GNB1L: variants seen among roughly 807,000 people sequenced by gnomAD.
The protein encoded by GNB1L is G protein subunit beta 1 like, also known as guanine nucleotide-binding protein subunit beta-like protein 1.
Under a neutral mutation model 29.1 loss-of-function variants are expected in GNB1L, and 20 were observed. That is an observed-to-expected ratio of 0.69 (90% CI 0.48 to 1.00). The LOEUF (loss-of-function observed/expected upper bound fraction) is 1.00. GNB1L is among the 50% of genes least tolerant of loss of function. GNB1L has a pLI of 0.00. For synonymous variants in GNB1L, 193 were observed against 206.5 expected, an observed-to-expected ratio of 0.93 and a Z score of 0.56; for missense variants, 421 against 464.9, an observed-to-expected ratio of 0.91 and a Z score of 0.87.
rs148297548 is a variant in GNB1L, at chr22:19,816,414, C to T, written c.255-3967G>A. On this transcript the variant is annotated intron_variant, in intron 4 of 7. Coordinates refer to ENST00000329517, the MANE Select transcript of GNB1L (RefSeq NM_053004.3). The surrounding 1 kb of genome is among the most constrained non-coding windows in gnomAD (Gnocchi z 4.4). Reference sequence around the variant, plus strand: ...TGCAGGCTGGCTCAGAATCCTCTGACGTGGCCATCTGCGAGATGTCCAGAC... The same window carrying T: ...TGCAGGCTGGCTCAGAATCCTCTGATGTGGCCATCTGCGAGATGTCCAGAC... Among the ~76,000 whole-genome samples, 1 of 152,174 alleles carries T rather than the reference C, an allele frequency of 6.6e-6. No individual in the cohort carries two copies. Among genetic ancestry groups the T allele is most frequent in the Non-Finnish European group, 1.5e-5 (1 of 68,022 alleles).
chr22:19,844,879 A>G (rs1267240732), intron 2 of GNB1L, among the ~76,000 whole-genome samples: 1 of 152,234 alleles, frequency 6.6e-6, no homozygotes, highest in Non-Finnish European at 1.5e-5. Flanking sequence ...GCACCAGTTC[A>G]GCCTCTGCTC....
At chr22:19,791,524 T>A (rs911558412) in intron 7 of GNB1L, among the ~76,000 whole-genome samples, 1 of 152,292 alleles carries the variant, frequency 6.6e-6, no homozygotes. Flanking sequence ...AGTGGTCACA[T>A]TAAGCTGAGG....
At chr22:19,851,515 TAC>T in intron 2 of GNB1L, 1 of 1,614,088 alleles carries the variant, frequency 6.2e-7, no homozygotes, top group South Asian at 1.1e-5. Flanking sequence ...CACTTCTAGA[TAC>T]AGAGTTGGAC....
intron 7 of GNB1L, among the ~76,000 whole-genome samples, chr22:19,800,663 G>A (rs924406917): frequency 4.6e-5 from 7 of 152,346 alleles, no homozygotes; most frequent in Admixed American, 6.5e-5. Flanking sequence ...GAGAAGCTCT[G>A]CCGCTTACAT....
chr22:19,845,626 C>T (rs940617213), intron 2 of GNB1L, among the ~76,000 whole-genome samples: 1 of 152,232 alleles, frequency 6.6e-6, no homozygotes, highest in African/African-American at 2.4e-5. Context: ...GAACACCCCA[C>T]AGGCCTGGGC....
rs1473092517 is a variant in GNB1L, at chr22:19,784,223, T to C, written c.*4486A>G. The C allele has an allele frequency of 6.6e-6, 1 of 152,246 alleles. No individual in the cohort carries two copies. Among genetic ancestry groups the C allele is most frequent in the Non-Finnish European group, 1.5e-5 (1 of 68,058 alleles). The allele number at this position is 152,246 out of a possible 1,614,324, so 9.4% of individuals were successfully genotyped here. On this transcript the variant is annotated 3_prime_UTR_variant, in exon 8 of 8. Coordinates refer to ENST00000329517, the MANE Select transcript of GNB1L (RefSeq NM_053004.3). ...TGTGCAGAGGGTGTTCTGTGGCTTC[T>C]TGGCAGAGACACAGGTGGGAAACAC...
intron 2 of GNB1L, among the ~76,000 whole-genome samples, chr22:19,838,110 A>G (rs1937796720): frequency 1.3e-5 from 2 of 152,270 alleles, no homozygotes; most frequent in South Asian, 4.1e-4. Flanking sequence ...AGTTTATTGC[A>G]TACGCAATTT....
chr22:19,813,137 G>C (rs1937513086), intron 4 of GNB1L, among the ~76,000 whole-genome samples: 3 of 152,198 alleles, frequency 2.0e-5, no homozygotes, highest in Admixed American at 1.3e-4. Context: ...GAGTGTTTGG[G>C]CAGATGCACA....
At chr22:19,851,968 C>T in intron 2 of GNB1L, 1 of 1,614,138 alleles carries the variant, frequency 6.2e-7, no homozygotes, top group South Asian at 1.1e-5. Context: ...AGCCTGGTAC[C>T]CAGCAGAAGT....
At chr22:19,831,938 C>T (rs1371616472) in intron 2 of GNB1L, among the ~76,000 whole-genome samples, 1 of 152,120 alleles carries the variant, frequency 6.6e-6, no homozygotes, top group African/African-American at 2.4e-5. Flanking sequence ...TAAATTAAAA[C>T]TACAGAAAAG....
rs1268672134 is a variant in GNB1L at position 19,783,244 on chromosome 22, A to G, written c.*5465T>C. The G allele has an allele frequency of 3.6e-6, 2 of 558,576 alleles. No homozygotes were observed. Among genetic ancestry groups the G allele is most frequent in the African/African-American group, 3.8e-5 (2 of 53,024 alleles). 34.6% of individuals were successfully genotyped at this position (558,576 alleles called of 1,614,324 possible). On this transcript the variant is annotated 3_prime_UTR_variant, in exon 8 of 8. Transcript: ENST00000329517. ...CTGCTCTGTTTGAGGTGGTTTATTA[A>G]TGTAGCAAGAGATAATGGCACCAGG...
intron 2 of GNB1L, among the ~76,000 whole-genome samples, chr22:19,829,808 C>T (rs770773177): frequency 2.4e-4 from 37 of 151,906 alleles, no homozygotes; most frequent in Non-Finnish European, 2.4e-4. Flanking sequence ...TATTAAAATA[C>T]GTAAACAAAC....
chr22:19,847,562 G>A, intron 2 of GNB1L: 1 of 985,254 alleles, frequency 1.0e-6, no homozygotes. Context: ...TGCGGGGAGG[G>A]GAGGAGGCAA....
intron 2 of GNB1L, chr22:19,847,454 C>A: frequency 1.0e-6 from 1 of 985,450 alleles, no homozygotes; most frequent in Non-Finnish European, 1.2e-6. Context: ...CCAGCCAAGG[C>A]ACTGCATGGG....
At chr22:19,818,137 C>T (rs1321546445) in intron 4 of GNB1L, among the ~76,000 whole-genome samples, 1 of 152,242 alleles carries the variant, frequency 6.6e-6, no homozygotes, top group African/African-American at 2.4e-5. Context: ...ACCCCCTGAC[C>T]CGTGGCTGGC....
At chr22:19,799,802 C>A (rs1475035690) in intron 7 of GNB1L, among the ~76,000 whole-genome samples, 2 of 152,238 alleles carry the variant, frequency 1.3e-5, no homozygotes, top group African/African-American at 4.8e-5. Context: ...AGGCAGCTCA[C>A]CTCCGAAAGC....
intron 5 of GNB1L, among the ~76,000 whole-genome samples, chr22:19,808,326 AC>A (rs2145872672): frequency 6.6e-6 from 1 of 152,348 alleles, no homozygotes; most frequent in South Asian, 2.1e-4. Flanking sequence ...CAACCATCTG[AC>A]GAAAGGGGCC....
At chr22:19,789,913 A>G (rs9618688) in intron 7 of GNB1L, among the ~76,000 whole-genome samples, 3,672 of 152,206 alleles carry the variant, frequency 0.024, 127 homozygotes, top group African/African-American at 0.078. Flanking sequence ...GTGGCCAGAC[A>G]AAAAGACCAT....
At chr22:19,811,651 C>T (rs73148929) in intron 5 of GNB1L, among the ~76,000 whole-genome samples, 5,690 of 152,168 alleles carry the variant, frequency 0.037, 147 homozygotes, top group Non-Finnish European at 0.053. Context: ...GTCATTCTGG[C>T]CTAAGCTCCA....
Sources: allele counts gnomAD v4.1 joint callset (sites outside exome capture counted in the v4.1 genomes callset), GRCh38; gene constraint gnomAD v4.1.1; non-coding constraint Gnocchi (gnomAD v3.1); transcripts MANE v1.5; gene names NCBI Gene and HGNC (gene_info 2026-07-23, HGNC 2026-07-21).